KMT2C: variants seen among roughly 807,000 people sequenced by gnomAD.
The protein encoded by KMT2C is histone-lysine N-methyltransferase 2C.
In KMT2C, 88 loss-of-function variants were observed where a neutral mutation model predicts 507.9. The observed-to-expected ratio is 0.17, with a 90% CI of 0.15 to 0.21. The LOEUF is 0.21. Ranked by LOEUF, KMT2C falls within the 10% of genes least tolerant of loss-of-function variation. The pLI is 1.00. For missense variants in KMT2C, 4,954 were observed against 5,957.8 expected (o/e 0.83, Z 5.55); for synonymous variants, 2,049 against 2,080.8 (o/e 0.98, Z 0.42).
intron 12 of KMT2C, among the ~76,000 whole-genome samples, chr7:152,250,310 A>G (rs2095543712): frequency 6.6e-6 from 1 of 152,182 alleles, no homozygotes; most frequent in South Asian, 2.1e-4. Flanking sequence ...AATTGAACAT[A>G]CAACTTCACA....
rs75752160 is a variant in KMT2C at position 152,155,362 on chromosome 7, C to T, written c.11960+548G>A. ...ATTATTTGATGAAGTTGTAAGAACC[C>T]TCTGGATCTAAAGAGTTGGCTAGCG... On this transcript the variant is annotated intron_variant, in intron 46 of 58. Transcript: ENST00000262189. 7.6e-3 allele frequency among the ~76,000 whole-genome samples: 1,151 copies of T among 152,250 alleles called. 13 individuals carry two copies. The highest frequency in any genetic ancestry group is 0.027 in the African/African-American group (1,109 of 41,528).
At chr7:152,420,748 T>C (rs1489738585) in intron 1 of KMT2C, among the ~76,000 whole-genome samples, 1 of 151,808 alleles carries the variant, frequency 6.6e-6, no homozygotes, top group African/African-American at 2.4e-5. Flanking sequence ...GGCAGGAGAA[T>C]TGCTTGAACC....
chr7:152,204,704 A>G (rs1302987208), intron 25 of KMT2C, among the ~76,000 whole-genome samples: 1 of 152,162 alleles, frequency 6.6e-6, no homozygotes, highest in Admixed American at 6.5e-5. Flanking sequence ...AAATTATATG[A>G]TAAGTAGCTA....
Position 152,148,579 on chromosome 7 carries a change from C to T in KMT2C, c.13348G>A (p.Val4450Met). The change falls in exon 52 of 59, where the codon GTG becomes ATG. Residue 4450 changes from valine to methionine, a missense_variant. This residue lies in a region of KMT2C where 39 missense variants were observed against 101.8 expected (regional missense o/e 0.38). Coordinates refer to ENST00000262189, the MANE Select transcript of KMT2C (RefSeq NM_170606.3). The surrounding 1 kb of genome is among the most constrained non-coding windows in gnomAD (Gnocchi z 7.1). ...AGGCCTCTCCTCAGAGCTAGCTCCACATTTATTAAGGCACCAGCCTGAGTC... is the reference window on the plus strand; with the variant it reads ...AGGCCTCTCCTCAGAGCTAGCTCCATATTTATTAAGGCACCAGCCTGAGTC... ...YETQAGALINVELALRRGLQM... is the reference protein window; with the variant it reads ...YETQAGALINMELALRRGLQM... 1 of 1,614,224 alleles carries T rather than the reference C, an allele frequency of 6.2e-7. No homozygotes were observed. The highest frequency in any genetic ancestry group is 8.5e-7 in the Non-Finnish European group (1 of 1,180,042).
chr7:152,215,484 A>C (rs1169362560), intron 23 of KMT2C, among the ~76,000 whole-genome samples: 1 of 137,502 alleles, frequency 7.3e-6, no homozygotes, highest in Non-Finnish European at 1.5e-5. Context: ...ACTGCACTCC[A>C]GCCTGGGCGA....
chr7:152,387,672 C>T lies in KMT2C; in HGVS notation c.162-28997G>A, dbSNP rs192777150. On this transcript the variant is annotated intron_variant, in intron 1 of 58. Coordinates refer to ENST00000262189, the MANE Select transcript of KMT2C (RefSeq NM_170606.3). ...TTTTTTAGTAGAGACCGGGTTTCAC[C>T]GTGTTAGCCAGGATGGTCTCGATCT... 2.2e-3 allele frequency among the ~76,000 whole-genome samples: 332 copies of T among 152,256 alleles called. 1 individual carries two copies. Among genetic ancestry groups the T allele is most frequent in the Middle Eastern group, 0.01 (3 of 294 alleles).
intron 23 of KMT2C, among the ~76,000 whole-genome samples, chr7:152,212,932 C>A (rs1419192686): frequency 1.3e-5 from 2 of 152,192 alleles, no homozygotes; most frequent in Non-Finnish European, 2.9e-5. Flanking sequence ...GTAATCCCAG[C>A]TACTTGGGGG....
At chr7:152,293,617 A>G (rs2096457918) in intron 6 of KMT2C, among the ~76,000 whole-genome samples, 1 of 152,154 alleles carries the variant, frequency 6.6e-6, no homozygotes, top group South Asian at 2.1e-4. Context: ...GGTCCTTTAC[A>G]ATACCAAAGA....
rs1335592152 is a variant in KMT2C at position 152,177,841 on chromosome 7, G to A, written c.7612C>T (p.Pro2538Ser). 1 of 1,613,732 alleles carries A rather than the reference G, an allele frequency of 6.2e-7. No homozygotes were observed. The highest frequency in any genetic ancestry group is 1.1e-5 in the South Asian group (1 of 91,060). Reference sequence around the variant, plus strand: ...AAGCTCTGTGGTGAAAAATGCTGAGGAAGTCCAACTGGATTATTCATTTGT... The same window carrying A: ...AAGCTCTGTGGTGAAAAATGCTGAGAAAGTCCAACTGGATTATTCATTTGT... ...NSQMNNPVGLPQHFSPQSLPV... is the reference protein window; with the variant it reads ...NSQMNNPVGLSQHFSPQSLPV... The change falls in exon 38 of 59, where the codon CCT becomes TCT. Residue 2538 changes from proline to serine, a missense_variant. Coordinates refer to ENST00000262189, the MANE Select transcript of KMT2C (RefSeq NM_170606.3).
intron 3 of KMT2C, among the ~76,000 whole-genome samples, chr7:152,320,962 A>G (rs564512218): frequency 6.6e-6 from 1 of 152,114 alleles, no homozygotes; most frequent in South Asian, 2.1e-4. Context: ...GGCCAGGTGC[A>G]GTGGCTCATG....
chr7:152,251,913 TA>T (rs540938652), intron 11 of KMT2C, 25 bp downstream of exon 11: 262 of 1,538,824 alleles, frequency 1.7e-4, no homozygotes, highest in African/African-American at 1.4e-3. Flanking sequence ...ACAAAAAATT[TA>T]AAAAAAAATC....
chr7:152,361,056 C>T (rs10226650), intron 1 of KMT2C, among the ~76,000 whole-genome samples: 18,292 of 151,986 alleles, frequency 0.12, 2,775 homozygotes, highest in African/African-American at 0.35. Flanking sequence ...GATGATTCAA[C>T]ATTAGAAATT....
intron 1 of KMT2C, among the ~76,000 whole-genome samples, chr7:152,363,492 C>T (rs1343899561): frequency 6.6e-6 from 1 of 152,016 alleles, no homozygotes; most frequent in Non-Finnish European, 1.5e-5. Context: ...ACCCTCCAGC[C>T]CAAACAACTA....
intron 31 of KMT2C, among the ~76,000 whole-genome samples, chr7:152,188,892 A>G (rs754403021): frequency 6.6e-6 from 1 of 152,158 alleles, no homozygotes; most frequent in Non-Finnish European, 1.5e-5. Context: ...TACAGGTGTG[A>G]GCCACTGTGT....
intron 23 of KMT2C, among the ~76,000 whole-genome samples, chr7:152,215,458 G>C (rs890542124): frequency 2.2e-5 from 3 of 133,458 alleles, no homozygotes; most frequent in African/African-American, 8.6e-5. Context: ...AGCTTGCAGT[G>C]AGCAAAGATC....
chr7:152,250,221 A>G lies in KMT2C; in HGVS notation c.1736-268T>C, dbSNP rs541923352. 2.0e-5 allele frequency among the ~76,000 whole-genome samples: 3 copies of G among 152,322 alleles called. No homozygotes were observed. In the East Asian group the frequency reaches 5.8e-4, roughly 29 times the overall value. On this transcript the variant is annotated intron_variant, in intron 12 of 58. Coordinates refer to ENST00000262189, the MANE Select transcript of KMT2C (RefSeq NM_170606.3). ...ATAGAAAATAATTTTAATGAGAGTT[A>G]TTATACGTAAACTTAATAAATTTCA...
At chr7:152,308,999 C>T (rs2096645918) in intron 6 of KMT2C, among the ~76,000 whole-genome samples, 2 of 152,088 alleles carry the variant, frequency 1.3e-5, no homozygotes, top group South Asian at 4.1e-4. Flanking sequence ...GCACATATTA[C>T]TTTGATACAA....
chr7:152,384,546 TAACACCACC>T (rs1346343469), intron 1 of KMT2C, among the ~76,000 whole-genome samples: 18 of 17,098 alleles, frequency 1.1e-3, no homozygotes, highest in Middle Eastern at 0.026. Flanking sequence ...CCCATGTGCA[TAACACCACC>T]ACCACCACCA....
intron 2 of KMT2C, among the ~76,000 whole-genome samples, chr7:152,355,949 T>C (rs1324241289): frequency 6.6e-6 from 1 of 151,954 alleles, no homozygotes; most frequent in Non-Finnish European, 1.5e-5. Context: ...ATGAAATCAA[T>C]GAGATGGAAA....
Sources: gnomAD v4.1 joint callset for allele counts (sites outside exome capture counted in the v4.1 genomes callset) on GRCh38, gnomAD v4.1.1 for gene constraint, gnomAD v4.1.1 regional missense constraint, Gnocchi (gnomAD v3.1) non-coding constraint, MANE v1.5 for transcripts, NCBI Gene and HGNC (gene_info 2026-07-23, HGNC 2026-07-21) for gene names.